Variants in KLF12 observed in about 807,000 individuals in gnomAD.
KLF12 encodes the protein Krueppel-like factor 12.
In KLF12, 9 loss-of-function variants were observed where a neutral mutation model predicts 37.8. The observed-to-expected ratio is 0.24, with a 90% CI of 0.14 to 0.42. KLF12 has a LOEUF of 0.42. KLF12 is among the 10% of genes least tolerant of loss of function. The probability of loss-of-function intolerance (pLI) is 1.00; values close to 1 mark genes in which losing one functional copy is unlikely to be tolerated. For missense variants in KLF12, 411 were observed against 516.0 expected, an observed-to-expected ratio of 0.80 and a Z score of 1.97; for synonymous variants, 208 against 202.1, an observed-to-expected ratio of 1.03 and a Z score of -0.25.
At chr13:73,703,597 A>C (rs920652024) in intron 7 of KLF12, among the ~76,000 whole-genome samples, 1 of 152,170 alleles carries the variant, frequency 6.6e-6, no homozygotes, top group Non-Finnish European at 1.5e-5. Context: ...ATATTCTCTA[A>C]TAAGTATTGT....
intron 1 of KLF12, among the ~76,000 whole-genome samples, chr13:74,109,516 A>G (rs547211758): frequency 1.3e-5 from 2 of 152,188 alleles, no homozygotes; most frequent in Non-Finnish European, 2.9e-5. Flanking sequence ...GAAGTACTCT[A>G]GAACACAGGA....
chr13:73,899,619 G>T, intron 3 of KLF12, among the ~76,000 whole-genome samples: 1 of 152,128 alleles, frequency 6.6e-6, no homozygotes, highest in East Asian at 1.9e-4. Context: ...TGAGAAGGAA[G>T]ATCCGCACTT....
chr13:73,732,175 C>T (rs1877113093), intron 6 of KLF12, among the ~76,000 whole-genome samples: 1 of 151,684 alleles, frequency 6.6e-6, no homozygotes, highest in South Asian at 2.1e-4. Flanking sequence ...CCTCCACCTC[C>T]CGGGTTCAAG....
At chr13:74,101,902 A>AGGCAG (rs1285463690) in intron 1 of KLF12, among the ~76,000 whole-genome samples, 1 of 152,194 alleles carries the variant, frequency 6.6e-6, no homozygotes. Context: ...TGGCTGGTTT[A>AGGCAG]GGCAGGGTAA....
chr13:74,125,597 A>G (rs969540930), intron 1 of KLF12, among the ~76,000 whole-genome samples: 1 of 152,234 alleles, frequency 6.6e-6, no homozygotes, highest in African/African-American at 2.4e-5. Flanking sequence ...CAGAATGCAT[A>G]TTAGCCAGAA....
chr13:74,051,133 A>G (rs149128430), intron 1 of KLF12, among the ~76,000 whole-genome samples: 1 of 152,330 alleles, frequency 6.6e-6, no homozygotes, highest in East Asian at 1.9e-4. Flanking sequence ...AAGTTCTTCA[A>G]AAGTTAAAAA....
chr13:73,855,645 C>T (rs1332446637), intron 3 of KLF12, among the ~76,000 whole-genome samples: 1 of 152,124 alleles, frequency 6.6e-6, no homozygotes. Context: ...GGTAGTCCAG[C>T]TCTTACTTAA....
chr13:74,253,508 A>C, the KLF12 span, among the ~76,000 whole-genome samples: 3 of 152,176 alleles, frequency 2.0e-5, no homozygotes, highest in Non-Finnish European at 2.9e-5. Flanking sequence ...AGTATAAGTG[A>C]AATAAAAAGG....
chr13:74,015,468 G>T (rs1443938407), intron 1 of KLF12, among the ~76,000 whole-genome samples: 1 of 152,110 alleles, frequency 6.6e-6, no homozygotes, highest in South Asian at 2.1e-4. Context: ...AGTAAATGAC[G>T]ATTGTTATCA....
chr13:73,764,343 T>A (rs950432294), intron 6 of KLF12, among the ~76,000 whole-genome samples: 1 of 152,166 alleles, frequency 6.6e-6, no homozygotes, highest in Non-Finnish European at 1.5e-5. Flanking sequence ...TGAAACACTT[T>A]AAATCGCTTC....
chr13:73,860,769 C>G (rs747574955), intron 3 of KLF12, among the ~76,000 whole-genome samples: 1 of 152,004 alleles, frequency 6.6e-6, no homozygotes, highest in African/African-American at 2.4e-5. Context: ...GTGACTAAAA[C>G]TTAAACGGTA....
chr13:73,875,856 A>C (rs1316904980), intron 3 of KLF12, among the ~76,000 whole-genome samples: 3 of 152,172 alleles, frequency 2.0e-5, no homozygotes, highest in African/African-American at 7.2e-5. Flanking sequence ...CTGTGCTAAA[A>C]TCTGAATGAT....
chr13:74,097,708 A>G (rs2138851816), intron 1 of KLF12, among the ~76,000 whole-genome samples: 1 of 148,664 alleles, frequency 6.7e-6, no homozygotes, highest in East Asian at 1.9e-4. Flanking sequence ...ATATATATAT[A>G]TGTATTTGTG....
the KLF12 span, among the ~76,000 whole-genome samples, chr13:74,193,331 C>G: frequency 6.6e-6 from 1 of 152,120 alleles, no homozygotes; most frequent in Non-Finnish European, 1.5e-5. Context: ...GCTAAGTGGT[C>G]TCTATATGTC....
At chr13:73,909,349 C>A (rs1158709632) in intron 3 of KLF12, among the ~76,000 whole-genome samples, 15 of 152,090 alleles carry the variant, frequency 9.9e-5, no homozygotes, top group South Asian at 2.1e-4. Flanking sequence ...CCAGTTTTGC[C>A]TCCGTATAAC....
chr13:74,178,292 C>G, the KLF12 span, among the ~76,000 whole-genome samples: 1 of 152,100 alleles, frequency 6.6e-6, no homozygotes, highest in East Asian at 1.9e-4. Context: ...TCATGTTGTC[C>G]CCTGACGCAA....
At chr13:73,839,107 T>C (rs545624465) in intron 4 of KLF12, among the ~76,000 whole-genome samples, 1 of 151,942 alleles carries the variant, frequency 6.6e-6, no homozygotes, top group Non-Finnish European at 1.5e-5. Context: ...TTTTTTTTTT[T>C]TTTAAGATGG....
chr13:73,754,001 G>A (rs1878969825), intron 6 of KLF12, among the ~76,000 whole-genome samples: 1 of 152,152 alleles, frequency 6.6e-6, no homozygotes, highest in South Asian at 2.1e-4. Flanking sequence ...TCCCACTCAG[G>A]AGAGGAGAGA....
At chr13:74,021,762 T>C (rs759673624) in intron 1 of KLF12, among the ~76,000 whole-genome samples, 2 of 152,142 alleles carry the variant, frequency 1.3e-5, no homozygotes, top group Non-Finnish European at 2.9e-5. Flanking sequence ...ATCAAGAAAA[T>C]AGAAGTGCTA....
Sources: allele counts gnomAD v4.1 joint callset (sites outside exome capture counted in the v4.1 genomes callset), GRCh38; gene constraint gnomAD v4.1.1; transcripts MANE v1.5; gene names NCBI Gene and HGNC (gene_info 2026-07-23, HGNC 2026-07-21).